TBC1D22A: variants seen among roughly 807,000 people sequenced by gnomAD.
The protein encoded by TBC1D22A is TBC1 domain family member 22A, also known as putative GTPase activator.
Under a neutral mutation model 60.2 loss-of-function variants are expected in TBC1D22A, and 38 were observed. The ratio of observed to expected loss-of-function variants is 0.63; its 90% CI spans 0.49 to 0.83. TBC1D22A has a LOEUF of 0.83. TBC1D22A is among the 40% of genes least tolerant of loss of function. The probability of loss-of-function intolerance (pLI) is 0.00; values close to 1 mark genes in which losing one functional copy is unlikely to be tolerated. For missense variants in TBC1D22A, 628 were observed against 701.0 expected (o/e 0.90, Z 1.18); for synonymous variants, 302 against 281.7 (o/e 1.07, Z -0.72).
intron 12 of TBC1D22A, among the ~76,000 whole-genome samples, chr22:47,129,798 C>T (rs1242782887): frequency 6.6e-6 from 1 of 152,204 alleles, no homozygotes; most frequent in Non-Finnish European, 1.5e-5. Context: ...AAAGAGCAGC[C>T]CTCCATCCCA....
intron 8 of TBC1D22A, chr22:46,915,216 G>A (rs2070270662): frequency 2.8e-6 from 1 of 357,138 alleles, no homozygotes; most frequent in Non-Finnish European, 5.5e-6. Flanking sequence ...TGAGATTGGA[G>A]GGTTTCTGGG....
intron 9 of TBC1D22A, among the ~76,000 whole-genome samples, chr22:46,988,439 A>G (rs1193788226): frequency 6.6e-6 from 1 of 152,250 alleles, no homozygotes; most frequent in Non-Finnish European, 1.5e-5. Context: ...AGCCTTATCA[A>G]GTATATTTCT....
chr22:46,978,883 A>G (rs1340980390), intron 9 of TBC1D22A, among the ~76,000 whole-genome samples: 1 of 152,194 alleles, frequency 6.6e-6, no homozygotes, highest in Non-Finnish European at 1.5e-5. Flanking sequence ...TGCTGCGATT[A>G]CAGGTATGAG....
intron 12 of TBC1D22A, among the ~76,000 whole-genome samples, chr22:47,170,529 CA>C (rs1297241020): frequency 6.6e-6 from 1 of 152,166 alleles, no homozygotes; most frequent in Non-Finnish European, 1.5e-5. Flanking sequence ...TGAAAGTATC[CA>C]AAATGCGAAA....
rs1200060138 is a variant in TBC1D22A, at chr22:46,990,480, ATATGTGT to A, written c.1126-7151_1126-7145del. On this transcript the variant is annotated intron_variant, in intron 9 of 12. Coordinates refer to ENST00000337137, the MANE Select transcript of TBC1D22A (RefSeq NM_014346.5). This position sits in a 1 kb window ranked among gnomAD's most constrained non-coding sequence, Gnocchi z 4.6. ...CTCACATCACTGACTTCAGTGTGGC[ATATGTGT>A]TACAATTGAGGAGCCAATATCGATA... Among the ~76,000 whole-genome samples the A allele has an allele frequency of 6.6e-6, 1 of 152,076 alleles. No homozygotes were observed. The highest frequency in any genetic ancestry group is 6.5e-5 in the Admixed American group (1 of 15,276).
Position 47,173,746 on chromosome 22 carries a change from C to G in TBC1D22A, c.*120C>G. On this transcript the variant is annotated 3_prime_UTR_variant, in exon 13 of 13. Coordinates refer to ENST00000337137, the MANE Select transcript of TBC1D22A (RefSeq NM_014346.5). ...TAAAAGGCCTTGTGAGGTGGCCCCA[C>G]CCTCCAGGGGAGCTGGTGAAGATGG... 5 of 1,474,274 alleles carry G rather than the reference C, an allele frequency of 3.4e-6. No individual in the cohort carries two copies. Among genetic ancestry groups the G allele is most frequent in the Non-Finnish European group, 4.6e-6 (5 of 1,081,550 alleles). 91.3% of individuals were successfully genotyped at this position (1,474,274 alleles called of 1,614,324 possible). A position where few individuals can be genotyped will look rare whatever the true frequency, so the allele number is the denominator to read the frequency against.
rs577374747 is a variant in TBC1D22A at position 46,797,397 on chromosome 22, T to C, written c.461-47T>C. On this transcript the variant is annotated intron_variant, in intron 3 of 12. Coordinates refer to ENST00000337137, the MANE Select transcript of TBC1D22A (RefSeq NM_014346.5). ...TGGCACAGCAAGGAGGAACGTGTAG[T>C]CGGGAGGAGCGCCCTCACCCTCACC... The C allele has an allele frequency of 3.7e-6, 6 of 1,602,732 alleles. No individual in the cohort carries two copies. The South Asian group carries it at 5.6e-5, about 15-fold the overall frequency.
rs117591060 is a variant in TBC1D22A at position 46,902,589 on chromosome 22, G to C, written c.900+7743G>C. Among the ~76,000 whole-genome samples the C allele has an allele frequency of 4.3e-3, 656 of 152,340 alleles. 2 individuals carry two copies. The highest frequency in any genetic ancestry group is 7.6e-3 in the Admixed American group (117 of 15,302). ...AGCGACAGCTCACTTGCTGGAATGCGAGTTGCTGTCCTGGGACAGAGCCCC... is the reference window on the plus strand; with the variant it reads ...AGCGACAGCTCACTTGCTGGAATGCCAGTTGCTGTCCTGGGACAGAGCCCC... On this transcript the variant is annotated intron_variant, in intron 7 of 12. Coordinates refer to ENST00000337137, the MANE Select transcript of TBC1D22A (RefSeq NM_014346.5).
chr22:47,151,789 A>G (rs2067513793), intron 12 of TBC1D22A, among the ~76,000 whole-genome samples: 1 of 152,112 alleles, frequency 6.6e-6, no homozygotes, highest in Admixed American at 6.5e-5. Flanking sequence ...CGGAGAGCAT[A>G]AAGCCACCAT....
At chr22:46,957,522 A>G (rs992202257) in intron 8 of TBC1D22A, among the ~76,000 whole-genome samples, 4 of 152,240 alleles carry the variant, frequency 2.6e-5, no homozygotes, top group African/African-American at 9.6e-5. Flanking sequence ...CAAGAACAGC[A>G]TGGGGGAGAC....
chr22:46,809,760 C>T (rs182324775), intron 4 of TBC1D22A, among the ~76,000 whole-genome samples: 43 of 152,202 alleles, frequency 2.8e-4, no homozygotes, highest in East Asian at 9.7e-4. Context: ...AGGCCATCTG[C>T]GGAGTGGTTA....
chr22:47,080,126 G>A (rs569959084), intron 11 of TBC1D22A, among the ~76,000 whole-genome samples: 21 of 149,500 alleles, frequency 1.4e-4, no homozygotes, highest in South Asian at 4.4e-4. Context: ...ATTACATGAA[G>A]CACAAATGGA....
intron 7 of TBC1D22A, among the ~76,000 whole-genome samples, chr22:46,902,287 C>G (rs949400675): frequency 1.3e-5 from 2 of 152,214 alleles, no homozygotes; most frequent in Non-Finnish European, 2.9e-5. Context: ...TGGTGGTACC[C>G]AGTAGTAGCA....
At chr22:47,164,885 A>G (rs1386968485) in intron 12 of TBC1D22A, among the ~76,000 whole-genome samples, 1 of 152,212 alleles carries the variant, frequency 6.6e-6, no homozygotes, top group Non-Finnish European at 1.5e-5. Flanking sequence ...CAGGAGGAAT[A>G]CAAATGCTCC....
chr22:46,839,038 A>T (rs1184420924), intron 4 of TBC1D22A, among the ~76,000 whole-genome samples: 1 of 152,232 alleles, frequency 6.6e-6, no homozygotes, highest in Non-Finnish European at 1.5e-5. Flanking sequence ...AAAGGCATTC[A>T]AATCAAAAAG....
chr22:46,956,326 C>A (rs1207605304), intron 8 of TBC1D22A, among the ~76,000 whole-genome samples: 1 of 152,200 alleles, frequency 6.6e-6, no homozygotes, highest in Non-Finnish European at 1.5e-5. Context: ...TGGCTCACGC[C>A]TGTAATCCCA....
chr22:47,149,832 G>A (rs940507645), intron 12 of TBC1D22A, among the ~76,000 whole-genome samples: 5 of 152,184 alleles, frequency 3.3e-5, no homozygotes, highest in African/African-American at 1.2e-4. Flanking sequence ...TGTGGACTGG[G>A]GTGATTGTCA....
At chr22:47,166,684 G>A (rs893082553) in intron 12 of TBC1D22A, among the ~76,000 whole-genome samples, 1 of 152,250 alleles carries the variant, frequency 6.6e-6, no homozygotes, top group Non-Finnish European at 1.5e-5. Context: ...CGCCCTGCAG[G>A]GCTGTGGGCT....
chr22:46,883,193 G>C (rs2067937978), intron 5 of TBC1D22A, among the ~76,000 whole-genome samples: 2 of 152,196 alleles, frequency 1.3e-5, no homozygotes, highest in African/African-American at 2.4e-5. Flanking sequence ...TGAAGCTCCA[G>C]TATTATCTTT....
Sources: gnomAD v4.1 joint callset for allele counts (sites outside exome capture counted in the v4.1 genomes callset) on GRCh38, gnomAD v4.1.1 for gene constraint, Gnocchi (gnomAD v3.1) non-coding constraint, MANE v1.5 for transcripts, NCBI Gene and HGNC (gene_info 2026-07-23, HGNC 2026-07-21) for gene names.